Variants in SAMD3 observed in about 807,000 individuals in gnomAD.
SAMD3 encodes the protein sterile alpha motif domain containing 3, also known as sterile alpha motif domain-containing protein 3.
A neutral mutation model predicts 58.5 loss-of-function variants in SAMD3; 63 were observed. That is an observed-to-expected ratio of 1.08 (90% CI 0.88 to 1.33). The LOEUF (loss-of-function observed/expected upper bound fraction) is 1.33, where lower values mean the gene tolerates loss of function less well. Ranked by LOEUF, SAMD3 falls within the 40% of genes most tolerant of loss-of-function variation. The pLI is 0.00. For synonymous variants in SAMD3, 220 were observed against 210.3 expected, an observed-to-expected ratio of 1.05 and a Z score of -0.40; for missense variants, 604 against 608.4, an observed-to-expected ratio of 0.99 and a Z score of 0.08.
upstream of SAMD3, among the ~76,000 whole-genome samples, chr6:130,224,349 G>A (rs1350960383): frequency 2.6e-5 from 4 of 151,860 alleles, no homozygotes; most frequent in Middle Eastern, 3.2e-3. Flanking sequence ...TCTCACTTAC[G>A]TCCATGGGTA....
intron 2 of SAMD3, among the ~76,000 whole-genome samples, chr6:130,303,154 G>A (rs1333913591): frequency 6.6e-6 from 1 of 152,002 alleles, no homozygotes; most frequent in Non-Finnish European, 1.5e-5. Flanking sequence ...TGCTCTCTTC[G>A]GTACCTTTCC....
intron 1 of SAMD3, among the ~76,000 whole-genome samples, chr6:130,219,706 C>G (rs977253005): frequency 2.0e-4 from 30 of 152,158 alleles, no homozygotes; most frequent in African/African-American, 6.8e-4. Context: ...CGTATATATA[C>G]CACAGTTTCT....
At chr6:130,187,870 G>T (rs1438678842) in intron 5 of SAMD3, among the ~76,000 whole-genome samples, 1 of 152,086 alleles carries the variant, frequency 6.6e-6, no homozygotes, top group Non-Finnish European at 1.5e-5. Flanking sequence ...CTAACCCAAG[G>T]TATCTCAATC....
At chr6:130,289,754 C>T (rs1455255265) in intron 2 of SAMD3, among the ~76,000 whole-genome samples, 1 of 152,186 alleles carries the variant, frequency 6.6e-6, no homozygotes, top group African/African-American at 2.4e-5. Flanking sequence ...CCTCCCTTGG[C>T]CCCCCAAAGT....
chr6:130,365,865 G>T, upstream of SAMD3: 1 of 985,680 alleles, frequency 1.0e-6, no homozygotes, highest in South Asian at 4.7e-5. Flanking sequence ...TGGGTGGCAG[G>T]ACTGGGGTTT....
chr6:130,173,487 G>T (rs575596386), intron 8 of SAMD3, among the ~76,000 whole-genome samples: 2 of 152,182 alleles, frequency 1.3e-5, no homozygotes, highest in Non-Finnish European at 2.9e-5. Flanking sequence ...GATGCTATTC[G>T]TCTGGGTATT....
At chr6:130,341,773 C>G (rs150388942) in intron 1 of SAMD3, among the ~76,000 whole-genome samples, 1 of 152,034 alleles carries the variant, frequency 6.6e-6, no homozygotes, top group Non-Finnish European at 1.5e-5. Context: ...TCTTTTGAGG[C>G]CTTTTAGGAA....
At chr6:130,293,479 A>G (rs1181310198) in intron 2 of SAMD3, among the ~76,000 whole-genome samples, 1 of 152,032 alleles carries the variant, frequency 6.6e-6, no homozygotes, top group Non-Finnish European at 1.5e-5. Context: ...TAATGTTATT[A>G]TCTAAAATAT....
intron 2 of SAMD3, among the ~76,000 whole-genome samples, chr6:130,273,603 A>T (rs1205717039): frequency 4.0e-5 from 6 of 149,752 alleles, no homozygotes; most frequent in African/African-American, 7.4e-5. Context: ...CATTTTATTG[A>T]TTTTTTTTGT....
At chr6:130,343,149 G>A (rs1777322317) in intron 1 of SAMD3, among the ~76,000 whole-genome samples, 1 of 151,520 alleles carries the variant, frequency 6.6e-6, no homozygotes, top group Non-Finnish European at 1.5e-5. Context: ...AATAAACACA[G>A]AATCTTTTTC....
At chr6:130,286,270 G>C (rs1179261808) in intron 2 of SAMD3, 1 of 152,254 alleles carries the variant, frequency 6.6e-6, no homozygotes, top group African/African-American at 2.4e-5. Flanking sequence ...CCAGAAGGGA[G>C]GAAAAGTGAG....
chr6:130,157,491 G>T (rs1789897083), intron 8 of SAMD3, among the ~76,000 whole-genome samples: 2 of 152,102 alleles, frequency 1.3e-5, no homozygotes, highest in Admixed American at 1.3e-4. Flanking sequence ...ACCACATCTG[G>T]TTAATTTTTG....
At chr6:130,365,120 G>A in exon 1 of SAMD3, 10 of 937,096 alleles carry the variant, frequency 1.1e-5, no homozygotes, top group Non-Finnish European at 1.3e-5. Flanking sequence ...CTTTACTTAC[G>A]GAATTGGCCT....
intron 9 of SAMD3, among the ~76,000 whole-genome samples, chr6:130,153,669 T>TATATATATATATATATATAG (rs1789447983): frequency 7.0e-6 from 1 of 142,440 alleles, no homozygotes; most frequent in Non-Finnish European, 1.5e-5. Flanking sequence ...TATATATTTA[T>TATATATATATATATATATAG]TTATTTATTT....
At chr6:130,211,458 AT>A (rs1795552443) in intron 4 of SAMD3, among the ~76,000 whole-genome samples, 1 of 151,614 alleles carries the variant, frequency 6.6e-6, no homozygotes, top group Admixed American at 6.6e-5. Flanking sequence ...TAATTTTTGT[AT>A]TTTTAGTAGA....
At chr6:130,224,125 C>G (rs945727864), upstream of SAMD3, among the ~76,000 whole-genome samples, 22 of 148,852 alleles carry the variant, frequency 1.5e-4, no homozygotes, top group African/African-American at 5.7e-4. Flanking sequence ...CCTCCAACCA[C>G]CCCCAGGCAA....
chr6:130,144,860 C>T, intron 11 of SAMD3, 56 bp from the exon 12 acceptor site: 1 of 1,433,810 alleles, frequency 7.0e-7, no homozygotes, highest in Non-Finnish European at 9.6e-7. Flanking sequence ...AATAATAAAA[C>T]ATCTGAACTT....
At chr6:130,347,410 A>T (rs945484893) in intron 1 of SAMD3, among the ~76,000 whole-genome samples, 2 of 152,354 alleles carry the variant, frequency 1.3e-5, no homozygotes, top group East Asian at 3.9e-4. Flanking sequence ...AAACAATGGC[A>T]CGAGAACTAT....
intron 1 of SAMD3, among the ~76,000 whole-genome samples, chr6:130,337,993 A>G (rs1191044115): frequency 6.6e-6 from 1 of 152,240 alleles, no homozygotes; most frequent in Non-Finnish European, 1.5e-5. Flanking sequence ...GGCAATGGGG[A>G]AAATTTCTCC....
Sources: gnomAD v4.1 joint callset for allele counts (sites outside exome capture counted in the v4.1 genomes callset) on GRCh38, gnomAD v4.1.1 for gene constraint, MANE v1.5 for transcripts, NCBI Gene and HGNC (gene_info 2026-07-23, HGNC 2026-07-21) for gene names.